The following PMEPA1 variants were observed in gnomAD, a reference collection of about 807,000 sequenced individuals.
The protein encoded by PMEPA1 is prostate transmembrane protein, androgen induced 1.
PMEPA1 carries 11 observed loss-of-function variants against 23.0 expected under a neutral mutation model. That is an observed-to-expected ratio of 0.48 (90% CI 0.30 to 0.79). The LOEUF (loss-of-function observed/expected upper bound fraction) is 0.79, where lower values mean the gene tolerates loss of function less well. PMEPA1 is among the 30% of genes least tolerant of loss of function. PMEPA1 has a pLI of 0.06. For synonymous variants in PMEPA1, 204 were observed against 166.4 expected, an observed-to-expected ratio of 1.23 and a Z score of -1.74; for missense variants, 377 against 390.9, an observed-to-expected ratio of 0.96 and a Z score of 0.30.
At chr20:57,676,341 G>A (rs969528996) in intron 1 of PMEPA1, among the ~76,000 whole-genome samples, 2 of 152,210 alleles carry the variant, frequency 1.3e-5, no homozygotes, top group African/African-American at 2.4e-5. Context: ...ACTAGCTCTC[G>A]GAACGCTAGC....
At chr20:57,664,261 T>C (rs970055435) in intron 1 of PMEPA1, among the ~76,000 whole-genome samples, 5 of 152,156 alleles carry the variant, frequency 3.3e-5, no homozygotes, top group African/African-American at 1.2e-4. Context: ...GCCCTGACAC[T>C]GTCGGTCCCC....
intron 2 of PMEPA1, among the ~76,000 whole-genome samples, chr20:57,658,339 G>C (rs950610425): frequency 1.3e-5 from 2 of 152,126 alleles, no homozygotes; most frequent in Non-Finnish European, 2.9e-5. Context: ...TGCACAGCAC[G>C]GCCTCAAGAG....
intron 1 of PMEPA1, chr20:57,690,684 TG>T: frequency 1.3e-6 from 1 of 756,074 alleles, no homozygotes. Context: ...AAACACTCGG[TG>T]CAGATGAAGA....
intron 1 of PMEPA1, among the ~76,000 whole-genome samples, chr20:57,667,719 T>G (rs1349115320): frequency 6.6e-6 from 1 of 152,204 alleles, no homozygotes; most frequent in Non-Finnish European, 1.5e-5. Context: ...TAGGCCTGCC[T>G]GGATGAGACC....
In PMEPA1 at chr20:57,666,840, G is replaced by A. The variant is rs545514492; in HGVS notation, c.110-7143C>T. On this transcript the variant is annotated intron_variant, in intron 1 of 3. Coordinates refer to ENST00000341744, the MANE Select transcript of PMEPA1 (RefSeq NM_020182.5). The stretch of plus-strand genomic sequence containing the variant: ...TCCTGTGTGCCAAGCCCCTCACCAC[G>A]AAAGACTTCACCCTGTCTCTGAGTT... 3.3e-5 allele frequency among the ~76,000 whole-genome samples: 5 copies of A among 152,298 alleles called. No homozygotes were observed. The South Asian group carries it at 8.3e-4, about 25-fold the overall frequency.
chr20:57,710,509 T>G (rs775239905), upstream of PMEPA1: 6 of 1,595,806 alleles, frequency 3.8e-6, no homozygotes, highest in East Asian at 1.4e-4. Context: ...CTCCAGCAGC[T>G]CGGGGATCAT....
At chr20:57,710,181 G>C (rs553715858), upstream of PMEPA1, 4 of 522,032 alleles carry the variant, frequency 7.7e-6, no homozygotes, top group South Asian at 1.5e-4. Flanking sequence ...GGCGGCCCAC[G>C]TAGACCCGGC....
At chr20:57,710,687 T>G (rs1401939666), upstream of PMEPA1, 10 of 494,824 alleles carry the variant, frequency 2.0e-5, no homozygotes, top group Non-Finnish European at 3.6e-5. Context: ...CCACACCCAT[T>G]GTCTGCTGCC....
intron 1 of PMEPA1, among the ~76,000 whole-genome samples, chr20:57,663,391 C>T (rs2071449449): frequency 6.6e-6 from 1 of 152,062 alleles, no homozygotes; most frequent in African/African-American, 2.4e-5. Flanking sequence ...CTCTCTGAGT[C>T]CATCGCAGTC....
At position 57,692,884 on chromosome 20, in the gene PMEPA1, T is replaced by C. The variant is rs757299353; in HGVS notation, c.109+16590A>G. Among the ~76,000 whole-genome samples the C allele has an allele frequency of 4.7e-4, 72 of 152,220 alleles. 1 individual carries two copies. The highest frequency in any genetic ancestry group is 2.6e-4 in the Admixed American group (4 of 15,284). ...CTAAGTGCTGCTGGTAATAGGACTA[T>C]TTTCCATCTTTCACAACTCATGATA... On this transcript the variant is annotated intron_variant, in intron 1 of 3. Transcript: ENST00000341744.
intron 1 of PMEPA1, among the ~76,000 whole-genome samples, chr20:57,677,295 T>G (rs886567294): frequency 6.6e-6 from 1 of 152,198 alleles, no homozygotes; most frequent in Non-Finnish European, 1.5e-5. Flanking sequence ...ATTGGGTTGT[T>G]TGAGGATCGT....
intron 1 of PMEPA1, among the ~76,000 whole-genome samples, chr20:57,661,940 T>C (rs13044385): frequency 7.3e-6 from 1 of 137,888 alleles, no homozygotes; most frequent in African/African-American, 3.0e-5. Flanking sequence ...AGCGCGCCAT[T>C]GTCTACACTG....
Position 57,659,744 on chromosome 20 carries a change from C to T in PMEPA1, c.110-47G>A, listed in dbSNP as rs73302930. ...CGTGAGACCCTGGACACCTGCAGGT[C>T]GCTGTGCTCAGGGCTCAGCCCTTTT... On this transcript the variant is annotated intron_variant, in intron 1 of 3. Coordinates refer to ENST00000341744, the MANE Select transcript of PMEPA1 (RefSeq NM_020182.5). 2,047 of 1,537,032 alleles carry T rather than the reference C, an allele frequency of 1.3e-3. 26 individuals carry two copies. In the African/African-American group the frequency reaches 0.025, roughly 19 times the overall value.
At chr20:57,663,491 T>C (rs1441881968) in intron 1 of PMEPA1, among the ~76,000 whole-genome samples, 1 of 152,142 alleles carries the variant, frequency 6.6e-6, no homozygotes, top group African/African-American at 2.4e-5. Flanking sequence ...TAGTGCTCCC[T>C]GGAGGTGGAC....
At chr20:57,671,070 C>T (rs1249725396) in intron 1 of PMEPA1, among the ~76,000 whole-genome samples, 2 of 152,198 alleles carry the variant, frequency 1.3e-5, no homozygotes, top group African/African-American at 2.4e-5. Flanking sequence ...TTTTAGAATA[C>T]TCCTCCAATG....
intron 1 of PMEPA1, 43 bp downstream of exon 1, chr20:57,709,431 A>G: frequency 9.4e-7 from 1 of 1,067,164 alleles, no homozygotes. Flanking sequence ...ATAGGGTCCG[A>G]GCCCGATGGA....
At chr20:57,691,469 G>C (rs1694216832) in intron 1 of PMEPA1, among the ~76,000 whole-genome samples, 1 of 152,148 alleles carries the variant, frequency 6.6e-6, no homozygotes, top group Admixed American at 6.5e-5. Context: ...GGCTGGTCTA[G>C]GAGGGCGAAG....
chr20:57,664,915 C>T (rs1568967741), intron 1 of PMEPA1, among the ~76,000 whole-genome samples: 1 of 152,224 alleles, frequency 6.6e-6, no homozygotes, highest in East Asian at 1.9e-4. Flanking sequence ...TATGGAGCCA[C>T]ACCAATCCTG....
At chr20:57,668,019 T>C (rs892742745) in intron 1 of PMEPA1, among the ~76,000 whole-genome samples, 3 of 152,214 alleles carry the variant, frequency 2.0e-5, no homozygotes, top group African/African-American at 7.2e-5. Flanking sequence ...CTCTTGAGGT[T>C]TGGGGGGCGG....
Sources: gnomAD v4.1 joint callset for allele counts (sites outside exome capture counted in the v4.1 genomes callset) on GRCh38, gnomAD v4.1.1 for gene constraint, MANE v1.5 for transcripts, NCBI Gene and HGNC (gene_info 2026-07-23, HGNC 2026-07-21) for gene names.